The following PRTG variants were observed in gnomAD, a reference collection of about 807,000 sequenced individuals.
The protein encoded by PRTG is immunoglobulin superfamily, DCC subclass, member 5.
In PRTG, 67 loss-of-function variants were observed where a neutral mutation model predicts 122.5. That is an observed-to-expected ratio of 0.55 (90% CI 0.45 to 0.67). The LOEUF (loss-of-function observed/expected upper bound fraction) is 0.67. Among genes scored for constraint, PRTG ranks in the 30% least tolerant of loss-of-function variants. PRTG has a pLI of 0.00. For missense variants in PRTG, 1,435 were observed against 1,415.4 expected, an observed-to-expected ratio of 1.01 and a Z score of -0.22; for synonymous variants, 554 against 501.1, an observed-to-expected ratio of 1.11 and a Z score of -1.41.
At chr15:55,674,095 C>T (rs1055080265) in intron 9 of PRTG, among the ~76,000 whole-genome samples, 6 of 152,176 alleles carry the variant, frequency 3.9e-5, no homozygotes, top group Admixed American at 2.0e-4. Context: ...AGAGTTGCAT[C>T]TTAAAAATTA....
chr15:55,739,140 T>C (rs890923175), intron 2 of PRTG, among the ~76,000 whole-genome samples: 1 of 152,146 alleles, frequency 6.6e-6, no homozygotes, highest in Non-Finnish European at 1.5e-5. Context: ...ATAGTTAATA[T>C]AAGGATGGCA....
At chr15:55,690,374 A>T (rs1290830505) in intron 2 of PRTG, among the ~76,000 whole-genome samples, 1 of 152,230 alleles carries the variant, frequency 6.6e-6, no homozygotes, top group African/African-American at 2.4e-5. Context: ...TTTTATTCTC[A>T]GGGATCTTTG....
intron 2 of PRTG, among the ~76,000 whole-genome samples, chr15:55,737,006 C>T (rs182202893): frequency 1.1e-4 from 17 of 152,238 alleles, no homozygotes; most frequent in South Asian, 2.1e-4. Context: ...TGCTTTCCTA[C>T]GAAATTTATC....
chr15:55,722,854 G>C (rs557687977), intron 2 of PRTG, among the ~76,000 whole-genome samples: 13 of 152,284 alleles, frequency 8.5e-5, no homozygotes, highest in African/African-American at 3.1e-4. Flanking sequence ...GGAATTAAGA[G>C]CCTCCAGGAA....
chr15:55,648,396 C>T (rs2059335564), intron 11 of PRTG, among the ~76,000 whole-genome samples: 1 of 152,220 alleles, frequency 6.6e-6, no homozygotes, highest in African/African-American at 2.4e-5. Flanking sequence ...ATTCTAACTG[C>T]ATATGATCTA....
chr15:55,714,189 TTCTA>T (rs1387395574), intron 2 of PRTG, among the ~76,000 whole-genome samples: 32 of 140,690 alleles, frequency 2.3e-4, no homozygotes, highest in Non-Finnish European at 4.3e-4. Context: ...TTTATTTTCT[TTCTA>T]TCTATTTATC....
chr15:55,719,792 C>G (rs183547822), intron 2 of PRTG, among the ~76,000 whole-genome samples: 62 of 152,288 alleles, frequency 4.1e-4, no homozygotes, highest in Admixed American at 2.7e-3. Context: ...GGCGCACTGA[C>G]TCATGCCTAT....
Position 55,619,118 on chromosome 15 carries a change from C to T in PRTG, c.*894G>A, listed in dbSNP as rs1027586723. 2.0e-5 allele frequency: 3 copies of T among 152,100 alleles called. No individual in the cohort carries two copies. Among genetic ancestry groups the T allele is most frequent in the Admixed American group, 6.6e-5 (1 of 15,262 alleles). The allele number at this position is 152,100 out of a possible 1,614,324, so 9.4% of individuals were successfully genotyped here. A position where few individuals can be genotyped will look rare whatever the true frequency, so the allele number is the denominator to read the frequency against. Reference sequence around the variant, plus strand: ...CTAGACAGTGCAGCCTTTGGCCAACCGTCAGGCAAAGGGGAAGGTAGAAAA... The same window carrying T: ...CTAGACAGTGCAGCCTTTGGCCAACTGTCAGGCAAAGGGGAAGGTAGAAAA... On this transcript the variant is annotated 3_prime_UTR_variant, in exon 20 of 20. Transcript: ENST00000389286.
intron 2 of PRTG, among the ~76,000 whole-genome samples, chr15:55,718,792 G>A (rs1246827614): frequency 6.6e-6 from 1 of 151,860 alleles, no homozygotes; most frequent in Non-Finnish European, 1.5e-5. Context: ...ACCCAGGCTG[G>A]AGTGCAGTGG....
In PRTG at chr15:55,680,153, A is replaced by AT; in HGVS notation, c.873dup (p.Ser292IlefsTer2). The stretch of plus-strand genomic sequence containing the variant: ...CCAGCATGTTGTAGCCTGACATCAG[A>AT]TATCATGAGATTACCATTTCCAAGT... On this transcript the variant is annotated frameshift_variant, in exon 6 of 20. Coordinates refer to ENST00000389286, the MANE Select transcript of PRTG (RefSeq NM_173814.6). LOFTEE classifies it high-confidence loss of function. The AT allele has an allele frequency of 6.2e-7, 1 of 1,612,310 alleles. No homozygotes were observed. Among genetic ancestry groups the AT allele is most frequent in the East Asian group, 2.2e-5 (1 of 44,844 alleles).
intron 11 of PRTG, among the ~76,000 whole-genome samples, chr15:55,666,269 A>C (rs887217882): frequency 6.6e-6 from 1 of 152,190 alleles, no homozygotes; most frequent in Admixed American, 6.5e-5. Flanking sequence ...TCTTCTTCTT[A>C]TAAGGGCATC....
At chr15:55,728,008 G>A (rs2031096863) in intron 2 of PRTG, among the ~76,000 whole-genome samples, 1 of 152,020 alleles carries the variant, frequency 6.6e-6, no homozygotes, top group South Asian at 2.1e-4. Flanking sequence ...GGGACTATAG[G>A]TGTGTCCCAC....
intron 2 of PRTG, among the ~76,000 whole-genome samples, chr15:55,705,437 G>C (rs911933414): frequency 2.0e-5 from 3 of 152,156 alleles, no homozygotes; most frequent in African/African-American, 7.2e-5. Flanking sequence ...AGGATCTCCT[G>C]TCAACTATTT....
chr15:55,700,550 G>A (rs1481959566), intron 2 of PRTG, among the ~76,000 whole-genome samples: 1 of 152,106 alleles, frequency 6.6e-6, no homozygotes, highest in African/African-American at 2.4e-5. Context: ...GGGAGGCAGA[G>A]GTGGGAGGAT....
chr15:55,742,491 C>T lies in PRTG; in HGVS notation c.94+347G>A, dbSNP rs1254991205. On this transcript the variant is annotated intron_variant, in intron 1 of 19. Coordinates refer to ENST00000389286, the MANE Select transcript of PRTG (RefSeq NM_173814.6). ...TGGCGACCCGGAGTCCGGCCGGTCG[C>T]GGAGGCGCGGACGCGGCCGGAGCCG... 5.5e-5 allele frequency: 13 copies of T among 234,704 alleles called. No individual in the cohort carries two copies. The East Asian group carries it at 1.1e-3, about 19-fold the overall frequency. 14.5% of individuals were successfully genotyped at this position (234,704 alleles called of 1,614,324 possible).
At chr15:55,733,400 C>T (rs548835770) in intron 2 of PRTG, among the ~76,000 whole-genome samples, 1 of 151,516 alleles carries the variant, frequency 6.6e-6, no homozygotes, top group African/African-American at 2.4e-5. Context: ...ATCCCAGCTA[C>T]CTGGGAGGCT....
rs373593407 is a variant in PRTG at position 55,721,453 on chromosome 15, A to T, written c.397+18929T>A. On this transcript the variant is annotated intron_variant, in intron 2 of 19. Coordinates refer to ENST00000389286, the MANE Select transcript of PRTG (RefSeq NM_173814.6). ...GGATCCTGTCTACATCTCCAATTCC[A>T]TGTTGGGGTGCCATTTCTTTGAAAT... Among the ~76,000 whole-genome samples the T allele has an allele frequency of 4.2e-3, 639 of 152,300 alleles. 7 individuals are homozygous for T. Among genetic ancestry groups the T allele is most frequent in the African/African-American group, 0.014 (592 of 41,570 alleles).
rs2031572358 is a variant in PRTG, at chr15:55,740,460, C to T, written c.319G>A (p.Asp107Asn). 4 of 1,614,042 alleles carry T rather than the reference C, an allele frequency of 2.5e-6. No individual in the cohort carries two copies. The highest frequency in any genetic ancestry group is 3.4e-6 in the Non-Finnish European group (4 of 1,180,012). The change falls in exon 2 of 20, where the codon GAT becomes AAT. Residue 107 changes from aspartate (D) to asparagine (N), a missense_variant. Physicochemically the swap from Asp to Asn is conservative, Grantham distance 23. Coordinates refer to ENST00000389286, the MANE Select transcript of PRTG (RefSeq NM_173814.6). ...EVEGRRGEQS[D>N]EGFYQCLAMN... ...GCCAAGCACTGATAAAATCCTTCAT[C>T]GGACTGCTCTCCTCGCCTGCCTTCC...
chr15:55,626,969 A>G, intron 17 of PRTG, 39 bp downstream of exon 17: 2 of 1,549,906 alleles, frequency 1.3e-6, no homozygotes, highest in Non-Finnish European at 1.7e-6. Flanking sequence ...CGTAATTTAA[A>G]TGTTTTTCAC....
Sources: allele counts gnomAD v4.1 joint callset (sites outside exome capture counted in the v4.1 genomes callset), GRCh38; gene constraint gnomAD v4.1.1; transcripts MANE v1.5; gene names NCBI Gene and HGNC (gene_info 2026-07-23, HGNC 2026-07-21).